Variants in MFRP observed in about 807,000 individuals in gnomAD.
MFRP encodes membrane frizzled-related protein.
Under a neutral mutation model 65.8 loss-of-function variants are expected in MFRP, and 74 were observed. That is an observed-to-expected ratio of 1.12 (90% CI 0.93 to 1.36). MFRP has a LOEUF of 1.36. Among genes scored for constraint, MFRP ranks in the 40% most tolerant of loss-of-function variants. The pLI is 0.00. For missense variants in MFRP, 838 were observed against 736.0 expected (o/e 1.14, Z -1.60); for synonymous variants, 336 against 288.3 (o/e 1.17, Z -1.68).
Position 119,346,372 on chromosome 11 carries a change from G to A in MFRP, c.57C>T (p.Thr19=), listed in dbSNP as rs368205663. 57 of 1,613,846 alleles carry A rather than the reference G, an allele frequency of 3.5e-5. No homozygotes were observed. Among genetic ancestry groups the A allele is most frequent in the African/African-American group, 1.3e-4 (10 of 74,890 alleles). The change falls in exon 2 of 15, where the codon ACC becomes ACT. Residue 19 remains threonine, a splice_region_variant and synonymous_variant. Coordinates refer to ENST00000619721, the MANE Select transcript of MFRP (RefSeq NM_031433.4). ...LCMEATESSK[T]EFCNPAFEPE... ...GCTCGAAGGCAGGATTGCAGAACTC[G>A]GTCTGGAAGGGGGAGATACTTGAGG... is the stretch of plus-strand genomic sequence containing the variant.
At position 119,345,794 on chromosome 11, in the gene MFRP, C is replaced by A; in HGVS notation, c.406G>T (p.Val136Leu). 2 of 1,613,430 alleles carry A rather than the reference C, an allele frequency of 1.2e-6. No homozygotes were observed. The highest frequency in any genetic ancestry group is 2.7e-5 in the African/African-American group (2 of 74,972). ...TCACTGGACTGTGGGGAGGGGCTCA[C>A]GCCTGACTCCTGCTGCCCTTTAGGG... ...GTPKGQQESG[V>L]SPSPQSTCGG... The change falls in exon 4 of 15, where the codon GTG becomes TTG. Residue 136 changes from valine (V) to leucine (L), a missense_variant. Physicochemically the swap from Val to Leu is conservative, Grantham distance 32. Transcript: ENST00000619721.
chr11:119,341,171 C>G lies in MFRP; in HGVS notation c.*377G>C. The G allele has an allele frequency of 3.5e-6, 1 of 284,234 alleles. No homozygotes were observed. The highest frequency in any genetic ancestry group is 6.8e-6 in the Non-Finnish European group (1 of 146,618). The allele number at this position is 284,234 out of a possible 1,614,324, so 17.6% of individuals were successfully genotyped here. A position where few individuals can be genotyped will look rare whatever the true frequency, so the allele number is the denominator to read the frequency against. ...AGACAGCCAGTTGGATCCCTAGGGC[C>G]TAGGACAGGGGCCTGCCACATGAAT... On this transcript the variant is annotated 3_prime_UTR_variant, in exon 13 of 15. Transcript: ENST00000619721.
intron 8 of MFRP, 60 bp downstream of exon 8, chr11:119,344,255 C>T (rs1950534477): frequency 1.3e-6 from 2 of 1,491,164 alleles, no homozygotes; most frequent in Non-Finnish European, 1.9e-6. Flanking sequence ...ATTACACTAA[C>T]TTGGGGATCA....
chr11:119,340,071 C>T, intron 14 of MFRP, 113 bp downstream of exon 14: 2 of 1,340,486 alleles, frequency 1.5e-6, no homozygotes, highest in Non-Finnish European at 2.0e-6. Flanking sequence ...GGCTGCAAAG[C>T]GCGGGGAGTG....
chr11:119,344,304 A>G lies in MFRP; in HGVS notation c.975+11T>C. 3 of 1,613,494 alleles carry G rather than the reference A, an allele frequency of 1.9e-6. No homozygotes were observed. The highest frequency in any genetic ancestry group is 1.7e-6 in the Non-Finnish European group (2 of 1,179,564). On this transcript the variant is annotated intron_variant, in intron 8 of 14. Coordinates refer to ENST00000619721, the MANE Select transcript of MFRP (RefSeq NM_031433.4). Reference sequence around the variant, plus strand: ...GTGCCCCTCCCGTTCTGCATGGAGCACTGTGCTTACCAGTTGGTGAGGGTA... The same window carrying G: ...GTGCCCCTCCCGTTCTGCATGGAGCGCTGTGCTTACCAGTTGGTGAGGGTA...
At chr11:119,342,760 G>T (rs1950515882) in intron 10 of MFRP, 33 bp from the exon 11 acceptor site, 2 of 1,613,200 alleles carry the variant, frequency 1.2e-6, no homozygotes, top group Admixed American at 1.7e-5. Context: ...AGTGCCCGGG[G>T]ACATACCTAC....
chr11:119,345,924 C>T lies in MFRP; in HGVS notation c.276G>A (p.Leu92=). 1 of 1,613,718 alleles carries T rather than the reference C, an allele frequency of 6.2e-7. No individual in the cohort carries two copies. Among genetic ancestry groups the T allele is most frequent in the East Asian group, 2.2e-5 (1 of 44,866 alleles). Residue 92 remains leucine, a synonymous_variant, in exon 4 of 15, where the codon CTG becomes CTA. Coordinates refer to ENST00000619721, the MANE Select transcript of MFRP (RefSeq NM_031433.4). ...GLLVAIILAQ[L]QAAPPSGASH... Reference sequence around the variant, plus strand: ...ACGCCCCAGATGGGGGTGCAGCCTGCAGCTCTGGAGGCGAGAAGATGGAGG... The same window carrying T: ...ACGCCCCAGATGGGGGTGCAGCCTGTAGCTCTGGAGGCGAGAAGATGGAGG...
rs573555720 is a variant in MFRP, at chr11:119,345,093, T to C, written c.642-89A>G. The stretch of plus-strand genomic sequence containing the variant: ...GCCTGGGCCTTGCAGTCCTATTTTC[T>C]CAACCCCCAAACTGGTGACCATGTG... On this transcript the variant is annotated intron_variant, in intron 5 of 14. Transcript: ENST00000619721. 6.6e-6 allele frequency: 10 copies of C among 1,514,404 alleles called. No individual in the cohort carries two copies. In the East Asian group the frequency reaches 1.2e-4, roughly 18 times the overall value. The allele number at this position is 1,514,404 out of a possible 1,614,324, so 93.8% of individuals were successfully genotyped here.
In MFRP at chr11:119,346,117, C is replaced by G. The variant is rs572926083; in HGVS notation, c.200G>C (p.Trp67Ser). 3 of 1,605,884 alleles carry G rather than the reference C, an allele frequency of 1.9e-6. No homozygotes were observed. The East Asian group carries it at 6.7e-5, about 36-fold the overall frequency. The change falls in exon 3 of 15, where the codon TGG becomes TCG. Residue 67 changes from tryptophan (W) to serine (S), a missense_variant. By Grantham distance (177) the Trp-to-Ser change is radical. Transcript: ENST00000619721. ...GCTGGAGAGCAGGAGGACACAGAGCCAGGAGAAGCGGCAGTCTGGCCGTAG... is the reference window on the plus strand; with the variant it reads ...GCTGGAGAGCAGGAGGACACAGAGCGAGGAGAAGCGGCAGTCTGGCCGTAG... ...RGLRPDCRFS[W>S]LCVLLLSSLL...
At position 119,343,582 on chromosome 11, in the gene MFRP, G is replaced by A. The variant is rs1893176; in HGVS notation, c.1124+234C>T. On this transcript the variant is annotated intron_variant, in intron 9 of 14. Transcript: ENST00000619721. ...GGAGGTGGAAGTGGCCCCTGCCGGT[G>A]GGGAGGAACTGGGGCAGGGAGAGGT... 0.49 allele frequency among the ~76,000 whole-genome samples: 75,072 copies of A among 152,006 alleles called. 19,799 individuals are homozygous for A. Among genetic ancestry groups the A allele is most frequent in the Non-Finnish European group, 0.58 (39,764 of 67,976 alleles).
At position 119,346,132 on chromosome 11, in the gene MFRP, T is replaced by C. The variant is rs777754993; in HGVS notation, c.185A>G (p.Asp62Gly). The change falls in exon 3 of 15, where the codon GAC becomes GGC. Residue 62 changes from aspartate to glycine, a missense_variant. Asp to Gly is a moderately conservative substitution (Grantham distance 94). Transcript: ENST00000619721. ...GACACAGAGCCAGGAGAAGCGGCAG[T>C]CTGGCCGTAGCCCTCGAGGACGCCG... ...HGRRPRGLRP[D>G]CRFSWLCVLL... is the part of the protein sequence containing the mutation. The C allele has an allele frequency of 2.5e-6, 4 of 1,602,004 alleles. No individual in the cohort carries two copies. Among genetic ancestry groups the C allele is most frequent in the Non-Finnish European group, 3.4e-6 (4 of 1,174,254 alleles).
intron 9 of MFRP, among the ~76,000 whole-genome samples, chr11:119,343,584 G>GA (rs1950525443): frequency 1.3e-5 from 2 of 152,206 alleles, no homozygotes; most frequent in African/African-American, 4.8e-5. Flanking sequence ...CTGCCGGTGG[G>GA]GAGGAACTGG....
rs766006966 is a variant in MFRP at position 119,345,469 on chromosome 11, G to A, written c.592C>T (p.Leu198Phe). Residue 198 changes from leucine to phenylalanine, a missense_variant, in exon 5 of 15, where the codon CTT (leucine) becomes TTT (phenylalanine). Transcript: ENST00000619721. ...GGGGAGAGTTCCAAGCGATCAAAAA[G>A]GCAAGAGGCCACACTCTCTATGCTG... ...ALSIESVASC[L>F]FDRLELSPEP... 1 of 1,614,088 alleles carries A rather than the reference G, an allele frequency of 6.2e-7. No homozygotes were observed. The highest frequency in any genetic ancestry group is 1.7e-5 in the Admixed American group (1 of 60,022).
intron 11 of MFRP, among the ~76,000 whole-genome samples, chr11:119,342,229 A>G (rs560797902): frequency 6.6e-6 from 1 of 152,190 alleles, no homozygotes; most frequent in African/African-American, 2.4e-5. Context: ...CTCAGGGAAC[A>G]TGGGGCACCC....
At chr11:119,345,993 C>G (rs1591307118) in intron 3 of MFRP, 53 bp downstream of exon 3, 3 of 1,613,122 alleles carry the variant, frequency 1.9e-6, no homozygotes, top group Middle Eastern at 1.6e-4. Context: ...GGGAGAGCGG[C>G]TCATGGAGTT....
rs893988593 is a variant in MFRP at position 119,341,397 on chromosome 11, C to T, written c.*151G>A. 1.5e-6 allele frequency: 1 copy of T among 659,468 alleles called. No homozygotes were observed. Among genetic ancestry groups the T allele is most frequent in the Admixed American group, 2.8e-5 (1 of 35,176 alleles). The allele number at this position is 659,468 out of a possible 1,614,324, so 40.9% of individuals were successfully genotyped here. A position where few individuals can be genotyped will look rare whatever the true frequency, so the allele number is the denominator to read the frequency against. On this transcript the variant is annotated 3_prime_UTR_variant, in exon 13 of 15. Coordinates refer to ENST00000619721, the MANE Select transcript of MFRP (RefSeq NM_031433.4). ...AGGGAGGGTGGTAGGGTCCCATGAG[C>T]CCCAGCTGAGGACTTCTCTTCCCCC...
chr11:119,344,262 A>G (rs1950534534), intron 8 of MFRP, 53 bp downstream of exon 8: 10 of 1,522,192 alleles, frequency 6.6e-6, no homozygotes, highest in Non-Finnish European at 5.5e-6. Flanking sequence ...TAACTTGGGG[A>G]TCAGGTGCTT....
At position 119,346,104 on chromosome 11, in the gene MFRP, G is replaced by A. The variant is rs879617414; in HGVS notation, c.213C>T (p.Leu71=). 6.8e-6 allele frequency: 11 copies of A among 1,608,056 alleles called. No individual in the cohort carries two copies. Among genetic ancestry groups the A allele is most frequent in the Non-Finnish European group, 9.3e-6 (11 of 1,177,212 alleles). The change falls in exon 3 of 15, where the codon CTC becomes CTT. Residue 71 remains leucine (L), a synonymous_variant. Transcript: ENST00000619721. The stretch of plus-strand genomic sequence containing the variant: ...GCAGGAGGAGCAGGCTGGAGAGCAG[G>A]AGGACACAGAGCCAGGAGAAGCGGC... ...PDCRFSWLCV[L]LLSSLLLLLL...
At chr11:119,343,556 G>A (rs1473228617) in intron 9 of MFRP, among the ~76,000 whole-genome samples, 1 of 152,148 alleles carries the variant, frequency 6.6e-6, no homozygotes, top group African/African-American at 2.4e-5. Flanking sequence ...GGGTTTGTAG[G>A]GGAGGTGGAA....
Sources: gnomAD v4.1 joint callset for allele counts (sites outside exome capture counted in the v4.1 genomes callset) on GRCh38, gnomAD v4.1.1 for gene constraint, MANE v1.5 for transcripts, NCBI Gene and HGNC (gene_info 2026-07-23, HGNC 2026-07-21) for gene names.